CUX2: variants seen among roughly 807,000 people sequenced by gnomAD.
The protein encoded by CUX2 is cut like homeobox 2, also known as homeobox protein cut-like 2.
A neutral mutation model predicts 144.8 loss-of-function variants in CUX2; 40 were observed. That is an observed-to-expected ratio of 0.28 (90% CI 0.21 to 0.36). CUX2 has a LOEUF of 0.36. Ranked by LOEUF, CUX2 falls within the 10% of genes least tolerant of loss-of-function variation. The pLI, the probability that CUX2 is intolerant of heterozygous loss-of-function variation, is 1.00. For missense variants in CUX2, 1,615 were observed against 1,994.0 expected, an observed-to-expected ratio of 0.81 and a Z score of 3.62; for synonymous variants, 827 against 875.6, an observed-to-expected ratio of 0.94 and a Z score of 0.98.
chr12:111,042,657 G>A (rs1224651961), intron 1 of CUX2, among the ~76,000 whole-genome samples: 1 of 152,076 alleles, frequency 6.6e-6, no homozygotes, highest in African/African-American at 2.4e-5. Context: ...TTTGAGACGA[G>A]GTCTCAGTCT....
intron 1 of CUX2, among the ~76,000 whole-genome samples, chr12:111,079,638 T>C (rs2136040861): frequency 6.6e-6 from 1 of 152,356 alleles, no homozygotes; most frequent in Middle Eastern, 3.4e-3. Context: ...TCCCCCATGC[T>C]CTGCTCTAAG....
chr12:111,341,656 G>C, intron 20 of CUX2, 124 bp from the exon 21 acceptor site: 1 of 1,181,482 alleles, frequency 8.5e-7, no homozygotes, highest in South Asian at 1.5e-5. Context: ...GGGCCTCTAA[G>C]CTTAGGGCAT....
rs115938632 is a variant in CUX2, at chr12:111,195,919, T to A, written c.64-18281T>A. On this transcript the variant is annotated intron_variant, in intron 1 of 21. Coordinates refer to ENST00000261726, the MANE Select transcript of CUX2 (RefSeq NM_015267.4). ...TTATACATGTACAACACAATCGATT[T>A]AGTATATTTATGGAGTTGTACAACC... Among the ~76,000 whole-genome samples the A allele has an allele frequency of 6.4e-3, 973 of 152,206 alleles. 19 individuals carry two copies. The highest frequency in any genetic ancestry group is 0.023 in the African/African-American group (940 of 41,532).
intron 3 of CUX2, 83 bp downstream of exon 3, chr12:111,218,020 C>T: frequency 2.1e-6 from 3 of 1,414,044 alleles, no homozygotes; most frequent in Non-Finnish European, 3.0e-6. Context: ...CCCAGGGGGG[C>T]CAGCAGCCTC....
At chr12:111,268,988 G>C (rs1884517288) in intron 4 of CUX2, among the ~76,000 whole-genome samples, 1 of 152,194 alleles carries the variant, frequency 6.6e-6, no homozygotes, top group Non-Finnish European at 1.5e-5. Flanking sequence ...CAGGCTCAAA[G>C]ACCCAGATTC....
intron 19 of CUX2, among the ~76,000 whole-genome samples, chr12:111,337,753 G>A (rs1363718549): frequency 1.3e-5 from 2 of 152,140 alleles, no homozygotes; most frequent in East Asian, 3.8e-4. Flanking sequence ...AAGCACTTTT[G>A]GGCCAGGCCC....
intron 1 of CUX2, among the ~76,000 whole-genome samples, chr12:111,179,593 G>GGTTGTTGTTGTT (rs150316221): frequency 1.3e-5 from 2 of 151,282 alleles, no homozygotes; most frequent in African/African-American, 4.9e-5. Flanking sequence ...CCATCGCCGT[G>GGTTGTTGTTGTT]GTTGTTGTTG....
chr12:111,196,798 A>T (rs1566289302), intron 1 of CUX2, among the ~76,000 whole-genome samples: 1 of 152,232 alleles, frequency 6.6e-6, no homozygotes, highest in Non-Finnish European at 1.5e-5. Flanking sequence ...AATTTAAATA[A>T]CTACAGGAGG....
At chr12:111,118,411 T>A (rs1162357614) in intron 1 of CUX2, among the ~76,000 whole-genome samples, 1 of 152,212 alleles carries the variant, frequency 6.6e-6, no homozygotes, top group African/African-American at 2.4e-5. Context: ...CGCTCAGTGA[T>A]GTCCAGTTGG....
intron 1 of CUX2, among the ~76,000 whole-genome samples, chr12:111,177,341 C>T (rs1009170630): frequency 2.6e-5 from 4 of 152,120 alleles, no homozygotes; most frequent in African/African-American, 9.7e-5. Context: ...ACAGGTACCA[C>T]CGGGACCAAG....
intron 1 of CUX2, among the ~76,000 whole-genome samples, chr12:111,117,319 C>T (rs537421112): frequency 7.9e-5 from 12 of 152,176 alleles, no homozygotes; most frequent in South Asian, 2.1e-4. Flanking sequence ...GGACTTGGCT[C>T]ATCAGTGTCT....
intron 4 of CUX2, chr12:111,270,493 T>C (rs2136300248): frequency 6.6e-6 from 1 of 152,318 alleles, no homozygotes; most frequent in South Asian, 2.1e-4. Context: ...AAAAGCATAA[T>C]TAATGTCATT....
chr12:111,114,840 G>A (rs1446901481), intron 1 of CUX2, among the ~76,000 whole-genome samples: 1 of 152,212 alleles, frequency 6.6e-6, no homozygotes, highest in East Asian at 1.9e-4. Flanking sequence ...GTTTGTGTAT[G>A]ATGTGAGATA....
chr12:111,314,565 G>A (rs1887075566), intron 16 of CUX2, among the ~76,000 whole-genome samples: 1 of 149,376 alleles, frequency 6.7e-6, no homozygotes, highest in Non-Finnish European at 1.5e-5. Context: ...GCTTGAACCT[G>A]GGAGGCAAAG....
chr12:111,291,304 A>G (rs1565895490), intron 4 of CUX2, 114 bp from the exon 5 acceptor site: 6 of 1,317,234 alleles, frequency 4.6e-6, no homozygotes, highest in Non-Finnish European at 6.1e-6. Flanking sequence ...ACTTCCTGTA[A>G]GCCAGCGGGG....
At chr12:111,054,287 T>A (rs994581795) in intron 1 of CUX2, among the ~76,000 whole-genome samples, 1 of 152,234 alleles carries the variant, frequency 6.6e-6, no homozygotes, top group African/African-American at 2.4e-5. Context: ...GCAAAACCTC[T>A]GCTGAGCCCA....
chr12:111,320,097 C>A lies in CUX2; in HGVS notation c.2088C>A (p.Ile696=), dbSNP rs780387248. 6.4e-7 allele frequency: 1 copy of A among 1,558,594 alleles called. No individual in the cohort carries two copies. The highest frequency in any genetic ancestry group is 1.9e-5 in the Admixed American group (1 of 51,656). ...CCTCGGAGGACGCCATCAAGAGCAT[C>A]CTGGAGCAGGCACGCCGTGAGATGC... The part of the protein sequence containing the change: ...ASTSEDAIKS[I]LEQARREMQA... The change falls in exon 17 of 22, where the codon ATC becomes ATA. Residue 696 remains isoleucine (I), a synonymous_variant. Transcript: ENST00000261726. The surrounding 1 kb of genome is among the most constrained non-coding windows in gnomAD (Gnocchi z 8.1).
At chr12:111,200,262 G>A (rs1880499099) in intron 1 of CUX2, among the ~76,000 whole-genome samples, 1 of 152,052 alleles carries the variant, frequency 6.6e-6, no homozygotes. Flanking sequence ...GGAGGCAGTT[G>A]GGGGTCTCGG....
At chr12:111,278,243 C>G (rs1222739587) in intron 4 of CUX2, among the ~76,000 whole-genome samples, 1 of 152,168 alleles carries the variant, frequency 6.6e-6, no homozygotes, top group Non-Finnish European at 1.5e-5. Flanking sequence ...ATAGTAAGAC[C>G]CCATCTCTAC....
Sources: gnomAD v4.1 joint callset for allele counts (sites outside exome capture counted in the v4.1 genomes callset) on GRCh38, gnomAD v4.1.1 for gene constraint, Gnocchi (gnomAD v3.1) non-coding constraint, MANE v1.5 for transcripts, NCBI Gene and HGNC (gene_info 2026-07-23, HGNC 2026-07-21) for gene names.